Variants in NALCN observed in about 807,000 individuals in gnomAD.
The protein encoded by NALCN is sodium leak channel NALCN.
NALCN carries 111 observed loss-of-function variants against 225.3 expected under a neutral mutation model. The ratio of observed to expected loss-of-function variants is 0.49; its 90% CI spans 0.42 to 0.58. The LOEUF is 0.58. Among genes scored for constraint, NALCN ranks in the 20% least tolerant of loss-of-function variants. NALCN has a pLI of 0.00. For missense variants in NALCN, 1,378 were observed against 2,202.4 expected (o/e 0.63, Z 7.49); for synonymous variants, 764 against 769.0 (o/e 0.99, Z 0.11).
chr13:101,167,763 G>C (rs1298675082), intron 15 of NALCN, among the ~76,000 whole-genome samples: 1 of 142,054 alleles, frequency 7.0e-6, no homozygotes. Context: ...ACTTGAACCT[G>C]GGAGGCAGAG....
At chr13:101,297,780 T>A (rs534684992) in intron 7 of NALCN, among the ~76,000 whole-genome samples, 9 of 152,358 alleles carry the variant, frequency 5.9e-5, no homozygotes, top group Non-Finnish European at 1.2e-4. Flanking sequence ...GGCCTGATTA[T>A]CCGGCTTCAT....
rs145479090 is a variant in NALCN at position 101,268,544 on chromosome 13, T to C, written c.1135-9970A>G. ...TTACTCTAGTCTGGGTCATATATAT[T>C]ACATATAGTCCTTTTCTGCTGTTTA... On this transcript the variant is annotated intron_variant, in intron 10 of 43. Transcript: ENST00000251127. 5.9e-5 allele frequency among the ~76,000 whole-genome samples: 9 copies of C among 152,188 alleles called. No individual in the cohort carries two copies. In the South Asian group the frequency reaches 6.2e-4, roughly 11 times the overall value.
chr13:101,230,108 A>T (rs184985736), intron 12 of NALCN, among the ~76,000 whole-genome samples: 1 of 152,338 alleles, frequency 6.6e-6, no homozygotes, highest in African/African-American at 2.4e-5. Flanking sequence ...TTTATAAAAC[A>T]TAAACAATTT....
intron 13 of NALCN, among the ~76,000 whole-genome samples, chr13:101,195,879 G>C (rs948402256): frequency 6.6e-6 from 1 of 152,016 alleles, no homozygotes; most frequent in Non-Finnish European, 1.5e-5. Flanking sequence ...TCCATCTCGT[G>C]TCATGTATAC....
At chr13:101,323,851 T>G (rs2044843536) in intron 7 of NALCN, among the ~76,000 whole-genome samples, 1 of 152,208 alleles carries the variant, frequency 6.6e-6, no homozygotes, top group Non-Finnish European at 1.5e-5. Flanking sequence ...ACTGCCTGTC[T>G]GAAGACTTCT....
chr13:101,314,604 C>G (rs1195519253), intron 7 of NALCN, among the ~76,000 whole-genome samples: 1 of 152,168 alleles, frequency 6.6e-6, no homozygotes, highest in Non-Finnish European at 1.5e-5. Flanking sequence ...CTTATTTCCA[C>G]AATATCACCC....
At chr13:101,389,458 C>A (rs918124746) in intron 3 of NALCN, among the ~76,000 whole-genome samples, 1 of 152,152 alleles carries the variant, frequency 6.6e-6, no homozygotes, top group Non-Finnish European at 1.5e-5. Flanking sequence ...GGACACCCAA[C>A]AAAAACCCTT....
intron 43 of NALCN, among the ~76,000 whole-genome samples, chr13:101,055,936 T>C (rs915448071): frequency 6.6e-6 from 1 of 152,152 alleles, no homozygotes; most frequent in African/African-American, 2.4e-5. Context: ...AGTCATGGTG[T>C]TGGGACCCAC....
intron 1 of NALCN, among the ~76,000 whole-genome samples, chr13:101,409,476 C>T (rs867028425): frequency 1.3e-5 from 2 of 152,138 alleles, no homozygotes; most frequent in African/African-American, 4.8e-5. Flanking sequence ...AGCCCCTGGC[C>T]ACCACCGTCC....
chr13:101,090,542 A>C (rs1418844100), intron 28 of NALCN, among the ~76,000 whole-genome samples: 1 of 152,150 alleles, frequency 6.6e-6, no homozygotes, highest in Non-Finnish European at 1.5e-5. Flanking sequence ...CTGAGACGGC[A>C]AGAGGTGTTT....
chr13:101,110,791 G>A (rs1046132935), intron 19 of NALCN, 103 bp from the exon 20 acceptor site: 16 of 1,082,014 alleles, frequency 1.5e-5, no homozygotes, highest in African/African-American at 7.8e-5. Context: ...CTGCTACAAC[G>A]CCACAAATGC....
intron 11 of NALCN, among the ~76,000 whole-genome samples, chr13:101,245,792 C>A (rs1351649403): frequency 6.6e-6 from 1 of 152,120 alleles, no homozygotes; most frequent in Non-Finnish European, 1.5e-5. Context: ...GGGCTACTCC[C>A]TTTGCAAACC....
intron 11 of NALCN, among the ~76,000 whole-genome samples, chr13:101,250,065 A>T (rs1463496505): frequency 6.6e-6 from 1 of 152,124 alleles, no homozygotes; most frequent in African/African-American, 2.4e-5. Flanking sequence ...ATAAAAAATT[A>T]ATATTATTCC....
intron 6 of NALCN, among the ~76,000 whole-genome samples, chr13:101,353,359 G>A (rs1292878646): frequency 6.6e-6 from 1 of 152,102 alleles, no homozygotes; most frequent in Non-Finnish European, 1.5e-5. Flanking sequence ...GGCTGTTACC[G>A]CCTTCCAGCT....
At chr13:101,071,568 T>C (rs907490190) in intron 37 of NALCN, among the ~76,000 whole-genome samples, 4 of 152,334 alleles carry the variant, frequency 2.6e-5, no homozygotes, top group African/African-American at 9.6e-5. Context: ...TCACCCTTCA[T>C]AAATTTGAAG....
chr13:101,390,068 C>T (rs141600610), intron 3 of NALCN, among the ~76,000 whole-genome samples: 2 of 152,042 alleles, frequency 1.3e-5, no homozygotes, highest in Non-Finnish European at 1.5e-5. Context: ...GGTGACAGAG[C>T]GAGGTTCTGT....
intron 30 of NALCN, among the ~76,000 whole-genome samples, chr13:101,087,110 T>C (rs548614678): frequency 6.6e-6 from 1 of 152,276 alleles, no homozygotes; most frequent in Non-Finnish European, 1.5e-5. Flanking sequence ...TCAAACACAT[T>C]GTCTTACATA....
At position 101,258,459 on chromosome 13, in the gene NALCN, T is replaced by C. The variant is rs1430510451; in HGVS notation, c.1250A>G (p.Glu417Gly). ...GCTGCTTACCTCCGCCAGGTAGAAC[T>C]CGTCGTACTGCCTCCTGAAGTTTTC... is the stretch of plus-strand genomic sequence containing the variant. Reference protein sequence around the residue: ...KGENFRRQYDEFYLAEVAFTV... With the variant: ...KGENFRRQYDGFYLAEVAFTV... Residue 417 changes from glutamate (E) to glycine (G), a missense_variant, in exon 11 of 44, where the codon GAG becomes GGG. By Grantham distance (98) the Glu-to-Gly change is moderately conservative. Coordinates refer to ENST00000251127, the MANE Select transcript of NALCN (RefSeq NM_052867.4). The C allele has an allele frequency of 1.9e-6, 3 of 1,614,132 alleles. No individual in the cohort carries two copies. The Admixed American group carries it at 5.0e-5, about 27-fold the overall frequency.
intron 14 of NALCN, among the ~76,000 whole-genome samples, chr13:101,187,340 G>T (rs570968919): frequency 6.6e-6 from 1 of 152,086 alleles, no homozygotes; most frequent in Non-Finnish European, 1.5e-5. Flanking sequence ...GGTATCTACT[G>T]GGAATCTTGG....
Sources: allele counts gnomAD v4.1 joint callset (sites outside exome capture counted in the v4.1 genomes callset), GRCh38; gene constraint gnomAD v4.1.1; transcripts MANE v1.5; gene names NCBI Gene and HGNC (gene_info 2026-07-23, HGNC 2026-07-21).